LRWD1: variants seen among roughly 807,000 people sequenced by gnomAD.
LRWD1 encodes the protein leucine rich repeats and WD repeat domain containing 1, also known as leucine-rich repeat and WD repeat-containing protein 1.
LRWD1 carries 76 observed loss-of-function variants against 75.6 expected under a neutral mutation model. The ratio of observed to expected loss-of-function variants is 1.01; its 90% CI spans 0.84 to 1.22. The LOEUF is 1.22. Ranked by LOEUF, LRWD1 falls within the 50% of genes most tolerant of loss-of-function variation. The pLI is 0.00. For missense variants in LRWD1, 917 were observed against 862.0 expected (o/e 1.06, Z -0.80); for synonymous variants, 487 against 377.0 (o/e 1.29, Z -3.38).
At chr7:102,465,376 C>A (rs1342817074) in intron 1 of LRWD1, among the ~76,000 whole-genome samples, 2 of 151,914 alleles carry the variant, frequency 1.3e-5, no homozygotes, top group Non-Finnish European at 2.9e-5. Context: ...CAGTTAGGGG[C>A]ACAGCCTGCC....
rs150030777 is a variant in LRWD1, at chr7:102,469,611, C to T, written c.1266C>T (p.Ile422=). 1.8e-3 allele frequency: 2,937 copies of T among 1,614,162 alleles called. 35 individuals carry two copies. Among genetic ancestry groups the T allele is most frequent in the South Asian group, 0.017 (1,564 of 91,088 alleles). Residue 422 remains isoleucine (I), a synonymous_variant, in exon 10 of 15, where the codon ATC becomes ATT. Transcript: ENST00000292616. Reference sequence around the variant, plus strand: ...ACAAGCGGATCATCCTCTGGGACATCGGGGTGCCCAACCAGGACTACGAAT... The same window carrying T: ...ACAAGCGGATCATCCTCTGGGACATTGGGGTGCCCAACCAGGACTACGAAT... ...SYDKRIILWD[I]GVPNQDYEFQ... is the part of the protein sequence containing the mutation.
chr7:102,470,444 A>G (rs2133271181), intron 11 of LRWD1: 1 of 152,558 alleles, frequency 6.6e-6, no homozygotes, highest in South Asian at 2.1e-4. Flanking sequence ...GCCAGCTACG[A>G]AGGAGACGGA....
intron 8 of LRWD1, 21 bp downstream of exon 8, chr7:102,468,675 C>T (rs779854854): frequency 6.4e-7 from 1 of 1,554,972 alleles, no homozygotes; most frequent in South Asian, 1.2e-5. Flanking sequence ...GGCCCTGTCC[C>T]TGCTGGGCAA....
chr7:102,469,158 C>G, intron 9 of LRWD1, 96 bp downstream of exon 9: 2 of 1,158,612 alleles, frequency 1.7e-6, no homozygotes, highest in East Asian at 2.6e-5. Context: ...GCTGTGAGCT[C>G]GGGCGCCTGC....
chr7:102,469,474 G>C, intron 9 of LRWD1, 100 bp from the exon 10 acceptor site: 1 of 1,384,366 alleles, frequency 7.2e-7, no homozygotes, highest in Non-Finnish European at 1.0e-6. Context: ...CGCCTCGGAG[G>C]GGCTGGCCTT....
At chr7:102,467,600 T>G (rs912538778) in intron 4 of LRWD1, 119 bp from the exon 5 acceptor site, 1 of 1,518,906 alleles carries the variant, frequency 6.6e-7, no homozygotes, top group African/African-American at 1.4e-5. Flanking sequence ...TGGGCAGCCC[T>G]GTTGGCTGGA....
chr7:102,467,937 A>C, intron 5 of LRWD1, 114 bp downstream of exon 5: 2 of 1,498,822 alleles, frequency 1.3e-6, no homozygotes, highest in Non-Finnish European at 1.8e-6. Flanking sequence ...GTCCTGGCTC[A>C]CTCCCTAGGT....
In LRWD1 at chr7:102,473,124, G is replaced by C; in HGVS notation, c.*75G>C. On this transcript the variant is annotated 3_prime_UTR_variant, in exon 15 of 15. Coordinates refer to ENST00000292616, the MANE Select transcript of LRWD1 (RefSeq NM_152892.3). ...CTTTGGGCCGATGGGGGTGGGGGGG[G>C]GTCTTTCAGTGAATATTTTTATTAA... The C allele has an allele frequency of 3.5e-6, 5 of 1,432,230 alleles. No homozygotes were observed. The highest frequency in any genetic ancestry group is 1.8e-4 in the Middle Eastern group (1 of 5,462). 88.7% of individuals were successfully genotyped at this position (1,432,230 alleles called of 1,614,324 possible).
chr7:102,467,551 T>G (rs988038417), intron 4 of LRWD1, 72 bp downstream of exon 4: 12 of 1,587,830 alleles, frequency 7.6e-6, no homozygotes, highest in Middle Eastern at 1.7e-4. Context: ...TCCCTGGCCA[T>G]GAAGGGCTGA....
In LRWD1 at chr7:102,468,652, G is replaced by A. The variant is rs372295492; in HGVS notation, c.1018G>A (p.Glu340Lys). ...GCTCCACAAGTACAAGGCACCCGGC[G>A]AGGTGAGTGCAAGGCCCTGTCCCTG... is the stretch of plus-strand genomic sequence containing the variant. ...IVLHKYKAPG[E>K]EFFSVAWTAL... is the part of the protein sequence containing the mutation. Residue 340 changes from glutamate to lysine, a missense_variant and splice_region_variant, in exon 8 of 15, where the codon GAG becomes AAG. By Grantham distance (56) the Glu-to-Lys change is moderately conservative. Coordinates refer to ENST00000292616, the MANE Select transcript of LRWD1 (RefSeq NM_152892.3). 2.4e-5 allele frequency: 37 copies of A among 1,562,620 alleles called. No individual in the cohort carries two copies. The highest frequency in any genetic ancestry group is 1.7e-4 in the Middle Eastern group (1 of 6,028).
intron 9 of LRWD1, among the ~76,000 whole-genome samples, 160 bp downstream of exon 9, chr7:102,469,222 T>G (rs1798112815): frequency 6.6e-6 from 1 of 152,194 alleles, no homozygotes; most frequent in Admixed American, 6.5e-5. Flanking sequence ...GCCATGTCGC[T>G]TCAACCCTGG....
intron 3 of LRWD1, 36 bp downstream of exon 3, chr7:102,466,306 C>A: frequency 1.3e-6 from 2 of 1,519,756 alleles, no homozygotes; most frequent in Non-Finnish European, 1.8e-6. Context: ...TGCTTAGGAG[C>A]TGTGGGGGCA....
chr7:102,467,705 C>G lies in LRWD1; in HGVS notation c.574-14C>G, dbSNP rs4729791. 12 of 1,550,346 alleles carry G rather than the reference C, an allele frequency of 7.7e-6. No individual in the cohort carries two copies. The highest frequency in any genetic ancestry group is 1.0e-5 in the Non-Finnish European group (12 of 1,146,068). ...GGACTCTGCCCAGCTTCCTGATGGC[C>G]TGGCCCCACCCAGGTGCGGATGATC... On this transcript the variant is annotated splice_polypyrimidine_tract_variant and intron_variant, in intron 4 of 14. Coordinates refer to ENST00000292616, the MANE Select transcript of LRWD1 (RefSeq NM_152892.3).
At position 102,466,048 on chromosome 7, in the gene LRWD1, G is replaced by C. The variant is rs754492982; in HGVS notation, c.312G>C (p.Leu104=). 4.3e-6 allele frequency: 7 copies of C among 1,613,942 alleles called. No homozygotes were observed. The African/African-American group carries it at 8.0e-5, about 18-fold the overall frequency. Residue 104 remains leucine (L), a synonymous_variant, in exon 2 of 15, where the codon CTG becomes CTC. Transcript: ENST00000292616. ...TCAGCCTGGAGGGCAACCCCTTCCTGACGGTAAGTGGGAGCCTCCCACCAG... is the reference window on the plus strand; with the variant it reads ...TCAGCCTGGAGGGCAACCCCTTCCTCACGGTAAGTGGGAGCCTCCCACCAG... ...EELSLEGNPF[L]TVNDNLKVSF...
intron 9 of LRWD1, 108 bp downstream of exon 9, chr7:102,469,170 G>T: frequency 9.8e-7 from 1 of 1,017,008 alleles, no homozygotes; most frequent in Non-Finnish European, 1.4e-6. Context: ...GGCGCCTGCC[G>T]GGCCCCAGTC....
At chr7:102,472,194 C>G (rs915306392) in intron 11 of LRWD1, 24 bp from the exon 12 acceptor site, 1 of 1,569,314 alleles carries the variant, frequency 6.4e-7, no homozygotes, top group African/African-American at 1.4e-5. Flanking sequence ...GAATGGCCAA[C>G]TAGCATCTCG....
rs1350488647 is a variant in LRWD1 at position 102,465,882 on chromosome 7, TGCA to T, written c.148_150del (p.Gln50del). The stretch of plus-strand genomic sequence containing the variant: ...AAACTCCTGTGCCGCCTGACGCAGC[TGCA>T]GGAGCTTGACCTGTCTAACAACCAC... On this transcript the variant is annotated inframe_deletion, in exon 2 of 15. Transcript: ENST00000292616. 2 of 1,613,610 alleles carry T rather than the reference TGCA, an allele frequency of 1.2e-6. No individual in the cohort carries two copies. The highest frequency in any genetic ancestry group is 2.2e-5 in the South Asian group (2 of 91,070).
Position 102,468,260 on chromosome 7 carries a change from C to T in LRWD1, c.805-3C>T, listed in dbSNP as rs751284019. On this transcript the variant is annotated splice_region_variant and splice_polypyrimidine_tract_variant and intron_variant, in intron 6 of 14. Transcript: ENST00000292616. ...CAGCTGTGACCCTTCTCTCCCCCCA[C>T]AGCCTGCTGTGAAGCTGGAGCCCCT... 6.2e-7 allele frequency: 1 copy of T among 1,606,068 alleles called. No homozygotes were observed. The highest frequency in any genetic ancestry group is 8.5e-7 in the Non-Finnish European group (1 of 1,177,018).
chr7:102,467,515 C>T (rs1034071840), intron 4 of LRWD1, 36 bp downstream of exon 4: 2 of 1,605,200 alleles, frequency 1.2e-6, no homozygotes, highest in South Asian at 1.1e-5. Context: ...GAGTCACTGG[C>T]TCTCGTATCT....
Sources: gnomAD v4.1 joint callset for allele counts (sites outside exome capture counted in the v4.1 genomes callset) on GRCh38, gnomAD v4.1.1 for gene constraint, MANE v1.5 for transcripts, NCBI Gene and HGNC (gene_info 2026-07-23, HGNC 2026-07-21) for gene names.